The following RORA variants were observed in gnomAD, a reference collection of about 807,000 sequenced individuals.
The protein encoded by RORA is RAR related orphan receptor A, also known as nuclear receptor ROR-alpha.
RORA carries 7 observed loss-of-function variants against 69.5 expected under a neutral mutation model. The ratio of observed to expected loss-of-function variants is 0.10; its 90% CI spans 0.06 to 0.19. The LOEUF (loss-of-function observed/expected upper bound fraction) is 0.19, where lower values mean the gene tolerates loss of function less well. Among genes scored for constraint, RORA ranks in the 10% least tolerant of loss-of-function variants. The probability of loss-of-function intolerance (pLI) is 1.00; values close to 1 mark genes in which losing one functional copy is unlikely to be tolerated. For synonymous variants in RORA, 261 were observed against 240.8 expected (o/e 1.08, Z -0.78); for missense variants, 457 against 663.0 (o/e 0.69, Z 3.41).
chr15:60,700,623 TC>T (rs2070968847), intron 1 of RORA, among the ~76,000 whole-genome samples: 1 of 150,356 alleles, frequency 6.7e-6, no homozygotes. Context: ...AATAAACGTT[TC>T]CCCAACAAAA....
chr15:61,008,706 C>T (rs1174141351), intron 1 of RORA, among the ~76,000 whole-genome samples: 1 of 152,010 alleles, frequency 6.6e-6, no homozygotes, highest in Admixed American at 6.6e-5. Context: ...CTTTTTAATG[C>T]CTTTTACTTG....
chr15:60,852,787 T>C (rs920759626), intron 1 of RORA, among the ~76,000 whole-genome samples: 3 of 152,046 alleles, frequency 2.0e-5, no homozygotes, highest in South Asian at 2.1e-4. Context: ...CTTGAAGAGA[T>C]GGCCTAAATG....
At chr15:61,180,976 C>T (rs2079679519) in intron 1 of RORA, among the ~76,000 whole-genome samples, 1 of 151,926 alleles carries the variant, frequency 6.6e-6, no homozygotes, top group African/African-American at 2.4e-5. Flanking sequence ...TGGTGGTGTG[C>T]ACCTATAATC....
At chr15:61,016,503 C>T (rs1385422253) in intron 1 of RORA, among the ~76,000 whole-genome samples, 2 of 152,168 alleles carry the variant, frequency 1.3e-5, no homozygotes, top group African/African-American at 4.8e-5. Flanking sequence ...GCATGTGGCT[C>T]TCCAAGAAGA....
At chr15:60,972,828 G>A (rs551988358) in intron 1 of RORA, among the ~76,000 whole-genome samples, 1 of 152,278 alleles carries the variant, frequency 6.6e-6, no homozygotes, top group South Asian at 2.1e-4. Flanking sequence ...ACTGACAAAA[G>A]AATAAGTTCT....
intron 2 of RORA, among the ~76,000 whole-genome samples, chr15:60,597,058 C>T (rs2068682146): frequency 6.6e-6 from 1 of 152,098 alleles, no homozygotes; most frequent in Admixed American, 6.5e-5. Context: ...GTGAGTCGGT[C>T]CAAACATTCC....
chr15:61,129,461 GA>G (rs1314863570), intron 1 of RORA, among the ~76,000 whole-genome samples: 1 of 152,072 alleles, frequency 6.6e-6, no homozygotes, highest in Non-Finnish European at 1.5e-5. Flanking sequence ...GGTTATGGGG[GA>G]TGATCGCTTA....
intron 3 of RORA, among the ~76,000 whole-genome samples, chr15:60,524,755 CAG>C (rs1208953831): frequency 2.0e-5 from 3 of 152,174 alleles, no homozygotes; most frequent in Non-Finnish European, 4.4e-5. Context: ...GTGATAAAAA[CAG>C]TGGTGACGAT....
intron 1 of RORA, among the ~76,000 whole-genome samples, chr15:60,759,399 C>A (rs537105621): frequency 6.6e-6 from 1 of 152,272 alleles, no homozygotes; most frequent in East Asian, 1.9e-4. Context: ...GGATCCTCAA[C>A]TGGAATCCAG....
At chr15:60,707,690 CA>C (rs1280745893) in intron 1 of RORA, among the ~76,000 whole-genome samples, 2 of 152,168 alleles carry the variant, frequency 1.3e-5, no homozygotes, top group Non-Finnish European at 2.9e-5. Flanking sequence ...TGAAGCCACT[CA>C]ACTGGTCCTT....
At chr15:60,940,476 C>T (rs984958892) in intron 1 of RORA, among the ~76,000 whole-genome samples, 2 of 152,096 alleles carry the variant, frequency 1.3e-5, no homozygotes, top group African/African-American at 4.8e-5. Context: ...GAAAGCTGAT[C>T]TGTGGAAGCC....
At chr15:60,726,924 C>T (rs1480180343) in intron 1 of RORA, among the ~76,000 whole-genome samples, 1 of 152,186 alleles carries the variant, frequency 6.6e-6, no homozygotes, top group Non-Finnish European at 1.5e-5. Context: ...AGAAAGAACA[C>T]TAATTATACT....
At chr15:60,771,991 T>C (rs979771119) in intron 1 of RORA, among the ~76,000 whole-genome samples, 1 of 152,224 alleles carries the variant, frequency 6.6e-6, no homozygotes, top group Non-Finnish European at 1.5e-5. Context: ...TCAGGGTACA[T>C]GCCAGCAACA....
chr15:60,806,146 A>G (rs150491206), intron 1 of RORA, among the ~76,000 whole-genome samples: 6 of 152,324 alleles, frequency 3.9e-5, no homozygotes, highest in African/African-American at 1.4e-4. Context: ...CAGATCTGTC[A>G]GGAGGAGAAT....
chr15:61,143,813 G>A (rs1028637159), intron 1 of RORA, among the ~76,000 whole-genome samples: 4 of 151,954 alleles, frequency 2.6e-5, no homozygotes, highest in South Asian at 2.1e-4. Context: ...AGATCTTAGC[G>A]GAAACAAAGG....
intron 1 of RORA, among the ~76,000 whole-genome samples, chr15:60,940,383 G>C (rs1457178771): frequency 2.6e-5 from 4 of 152,136 alleles, no homozygotes; most frequent in African/African-American, 9.7e-5. Flanking sequence ...ACATCCGCTA[G>C]GTGAAAGATG....
intron 1 of RORA, among the ~76,000 whole-genome samples, chr15:60,987,616 T>C (rs1894245076): frequency 6.6e-6 from 1 of 152,186 alleles, no homozygotes. Context: ...ATGTGTATGA[T>C]TTGTACAACA....
rs185083689 is a variant in RORA, at chr15:61,035,223, T to C, written c.166+193830A>G. Reference sequence around the variant, plus strand: ...CATACTTTATTACATCTGCTTCTCATTTAATGACCATTGTTCTGGTCTGTC... The same window carrying C: ...CATACTTTATTACATCTGCTTCTCACTTAATGACCATTGTTCTGGTCTGTC... On this transcript the variant is annotated intron_variant, in intron 1 of 10. Coordinates refer to ENST00000335670, the MANE Select transcript of RORA (RefSeq NM_134261.3). Among the ~76,000 whole-genome samples the C allele has an allele frequency of 6.6e-5, 10 of 152,334 alleles. No homozygotes were observed. In the East Asian group the frequency reaches 1.9e-3, roughly 29 times the overall value.
At position 60,614,919 on chromosome 15, in the gene RORA, A is replaced by G. The variant is rs199924000; in HGVS notation, c.196+63738T>C. On this transcript the variant is annotated intron_variant, in intron 2 of 10. Coordinates refer to ENST00000335670, the MANE Select transcript of RORA (RefSeq NM_134261.3). ...CTTTTCTCAATGCAGGGAGCAGAAA[A>G]GAGAAGAACTCCCTTAAATTAATAA... 6 of 1,613,768 alleles carry G rather than the reference A, an allele frequency of 3.7e-6. No homozygotes were observed. The East Asian group carries it at 1.3e-4, about 36-fold the overall frequency.
Sources: allele counts gnomAD v4.1 joint callset (sites outside exome capture counted in the v4.1 genomes callset), GRCh38; gene constraint gnomAD v4.1.1; transcripts MANE v1.5; gene names NCBI Gene and HGNC (gene_info 2026-07-23, HGNC 2026-07-21).